PDE3B: variants seen among roughly 807,000 people sequenced by gnomAD.
PDE3B encodes the protein phosphodiesterase 3B, also known as cGMP-inhibited 3',5'-cyclic phosphodiesterase 3B.
Under a neutral mutation model 116.8 loss-of-function variants are expected in PDE3B, and 66 were observed. The ratio of observed to expected loss-of-function variants is 0.56; its 90% CI spans 0.46 to 0.69. The LOEUF (loss-of-function observed/expected upper bound fraction) is 0.69, where lower values mean the gene tolerates loss of function less well. Ranked by LOEUF, PDE3B falls within the 30% of genes least tolerant of loss-of-function variation. The pLI is 0.00. For missense variants in PDE3B, 1,384 were observed against 1,368.1 expected (o/e 1.01, Z -0.18); for synonymous variants, 595 against 533.6 (o/e 1.12, Z -1.59).
At chr11:14,781,092 C>G (rs1374381245) in intron 2 of PDE3B, among the ~76,000 whole-genome samples, 1 of 152,134 alleles carries the variant, frequency 6.6e-6, no homozygotes, top group Admixed American at 6.5e-5. Flanking sequence ...TCGACACATA[C>G]ACCCTCCCAA....
At chr11:14,752,932 C>T (rs900165467) in intron 1 of PDE3B, among the ~76,000 whole-genome samples, 1 of 151,992 alleles carries the variant, frequency 6.6e-6, no homozygotes, top group Admixed American at 6.6e-5. Context: ...ACTGTTTGCT[C>T]TCATTTATTC....
At chr11:14,713,392 T>C (rs370040469) in intron 1 of PDE3B, among the ~76,000 whole-genome samples, 8 of 152,290 alleles carry the variant, frequency 5.3e-5, no homozygotes, top group African/African-American at 1.9e-4. Context: ...AGATGGATTA[T>C]GAGTAGAGCA....
chr11:14,748,417 G>A (rs1201977280), intron 1 of PDE3B, among the ~76,000 whole-genome samples: 2 of 152,092 alleles, frequency 1.3e-5, no homozygotes, highest in Non-Finnish European at 2.9e-5. Flanking sequence ...AGTCTTTTCA[G>A]TACAGAGTTA....
At chr11:14,780,588 G>A (rs186746794) in intron 2 of PDE3B, among the ~76,000 whole-genome samples, 7 of 152,000 alleles carry the variant, frequency 4.6e-5, no homozygotes, top group African/African-American at 1.2e-4. Context: ...CAAAATGAAG[G>A]CAGAAATAAA....
intron 1 of PDE3B, among the ~76,000 whole-genome samples, chr11:14,713,199 A>G (rs1855760307): frequency 6.6e-6 from 1 of 152,240 alleles, no homozygotes; most frequent in Non-Finnish European, 1.5e-5. Context: ...ATATATATTA[A>G]GTATATAAAC....
chr11:14,790,548 C>A (rs1443619082), intron 4 of PDE3B, among the ~76,000 whole-genome samples: 1 of 152,030 alleles, frequency 6.6e-6, no homozygotes, highest in Non-Finnish European at 1.5e-5. Context: ...GAGTTAAGGT[C>A]ATTTTTATCC....
intron 11 of PDE3B, among the ~76,000 whole-genome samples, chr11:14,840,234 G>A (rs998332268): frequency 1.3e-5 from 2 of 152,198 alleles, no homozygotes; most frequent in Middle Eastern, 3.4e-3. Flanking sequence ...GTAAATACAT[G>A]GAGTTTTGAA....
chr11:14,729,443 T>G (rs1450903024), intron 1 of PDE3B, among the ~76,000 whole-genome samples: 1 of 152,240 alleles, frequency 6.6e-6, no homozygotes, highest in Non-Finnish European at 1.5e-5. Context: ...CTCAAATTTC[T>G]TCAATGAGAT....
chr11:14,706,926 C>T (rs1855551272), intron 1 of PDE3B, among the ~76,000 whole-genome samples: 1 of 151,772 alleles, frequency 6.6e-6, no homozygotes, highest in African/African-American at 2.4e-5. Flanking sequence ...AAGATTTCCC[C>T]CTTACTCTGT....
At chr11:14,760,191 G>A (rs143941998) in intron 1 of PDE3B, among the ~76,000 whole-genome samples, 1 of 152,262 alleles carries the variant, frequency 6.6e-6, no homozygotes, top group East Asian at 1.9e-4. Flanking sequence ...AGTGAGGACA[G>A]CCACAAGGTT....
intron 12 of PDE3B, among the ~76,000 whole-genome samples, chr11:14,857,722 T>G (rs1408127554): frequency 2.6e-5 from 4 of 152,202 alleles, no homozygotes; most frequent in African/African-American, 9.6e-5. Flanking sequence ...CTTGCTCATT[T>G]TTTTAAAAAA....
intron 1 of PDE3B, among the ~76,000 whole-genome samples, chr11:14,744,292 G>T (rs1410648300): frequency 6.6e-6 from 1 of 151,898 alleles, no homozygotes; most frequent in Non-Finnish European, 1.5e-5. Context: ...AATTCTGTAT[G>T]AATTGTAGGA....
At chr11:14,829,248 C>G (rs1405946755) in intron 7 of PDE3B, among the ~76,000 whole-genome samples, 1 of 151,948 alleles carries the variant, frequency 6.6e-6, no homozygotes, top group East Asian at 1.9e-4. Context: ...ACAACAAACC[C>G]CTTTGTTACA....
chr11:14,831,068 TGA>T (rs1316596725), intron 8 of PDE3B, among the ~76,000 whole-genome samples: 1 of 151,838 alleles, frequency 6.6e-6, no homozygotes, highest in Non-Finnish European at 1.5e-5. Flanking sequence ...CAGTTTTAAA[TGA>T]ACATATTTTA....
downstream of PDE3B, among the ~76,000 whole-genome samples, chr11:14,876,517 T>G (rs1848191160): frequency 6.6e-6 from 1 of 152,084 alleles, no homozygotes; most frequent in Non-Finnish European, 1.5e-5. Flanking sequence ...AGAAGCCAAC[T>G]CCATCACTAC....
intron 1 of PDE3B, among the ~76,000 whole-genome samples, chr11:14,682,602 A>G (rs973069122): frequency 1.1e-4 from 16 of 152,050 alleles, no homozygotes; most frequent in African/African-American, 2.4e-5. Context: ...TTGTTTTTAA[A>G]CTGTTAATAT....
At chr11:14,815,480 T>C (rs1376692) in intron 5 of PDE3B, among the ~76,000 whole-genome samples, 3,180 of 152,276 alleles carry the variant, frequency 0.021, 114 homozygotes, top group African/African-American at 0.073. Flanking sequence ...TCTGGGTTCT[T>C]GATGGCTATT....
chr11:14,767,802 A>G (rs1463465166), intron 1 of PDE3B, among the ~76,000 whole-genome samples: 1 of 151,486 alleles, frequency 6.6e-6, no homozygotes, highest in Non-Finnish European at 1.5e-5. Context: ...ACAATGAGGA[A>G]CAACTAGTGA....
chr11:14,864,536 G>C (rs782473863), intron 14 of PDE3B, among the ~76,000 whole-genome samples: 10 of 152,084 alleles, frequency 6.6e-5, no homozygotes, highest in Non-Finnish European at 1.2e-4. Context: ...TTCTAAAATT[G>C]ACCACATAAT....
Sources: allele counts gnomAD v4.1 joint callset (sites outside exome capture counted in the v4.1 genomes callset), GRCh38; gene constraint gnomAD v4.1.1; transcripts MANE v1.5; gene names NCBI Gene and HGNC (gene_info 2026-07-23, HGNC 2026-07-21).